The following ZBTB1 variants were observed in gnomAD, a reference collection of about 807,000 sequenced individuals.
ZBTB1 encodes zinc finger and BTB domain-containing protein 1.
Under a neutral mutation model 51.6 loss-of-function variants are expected in ZBTB1, and 13 were observed. That is an observed-to-expected ratio of 0.25 (90% confidence interval 0.16 to 0.40). The LOEUF is 0.40. Ranked by LOEUF, ZBTB1 falls within the 10% of genes least tolerant of loss-of-function variation. ZBTB1 has a pLI of 1.00. For missense variants in ZBTB1, 567 were observed against 856.5 expected, an observed-to-expected ratio of 0.66 and a Z score of 4.22; for synonymous variants, 240 against 282.2, an observed-to-expected ratio of 0.85 and a Z score of 1.50.
chr14:64,513,647 A>G lies in ZBTB1; in HGVS notation c.-18-7840A>G, dbSNP rs76373496. ...CTAAACTCTTGCTGAACTTTATTCA[A>G]TATAGTTTATTTTTATTTTTATTTT... On this transcript the variant is annotated intron_variant, in intron 1 of 1. Transcript: ENST00000683701. Among the ~76,000 whole-genome samples, 44 of 152,202 alleles carry G rather than the reference A, an allele frequency of 2.9e-4. No homozygotes were observed. The East Asian group carries it at 3.3e-3, about 11-fold the overall frequency.
chr14:64,513,603 T>C (rs2140112345), intron 1 of ZBTB1, among the ~76,000 whole-genome samples: 1 of 152,346 alleles, frequency 6.6e-6, no homozygotes, highest in East Asian at 1.9e-4. Context: ...ACTATTTTGG[T>C]ATAATTAACG....
rs2079861753 is a variant in ZBTB1, at chr14:64,521,729, T to G, written c.225T>G (p.Phe75Leu). The G allele has an allele frequency of 1.2e-6, 2 of 1,613,780 alleles. No homozygotes were observed. Residue 75 changes from phenylalanine (F) to leucine (L), a missense_variant, in exon 2 of 2, where the codon TTT (phenylalanine) becomes TTG (leucine). Phe to Leu is a conservative substitution (Grantham distance 22). Coordinates refer to ENST00000683701, the MANE Select transcript of ZBTB1 (RefSeq NM_001123329.2). ...ACATGAAAATTAGTGCAGAATGTTT[T>G]GATCTCATTTTGCAGTTTATGTATT... ...LSNMKISAECFDLILQFMYLG... is the reference protein window; with the variant it reads ...LSNMKISAECLDLILQFMYLG...
chr14:64,522,937 T>C lies in ZBTB1; in HGVS notation c.1433T>C (p.Met478Thr), dbSNP rs369618687. 7 of 1,614,090 alleles carry C rather than the reference T, an allele frequency of 4.3e-6. No homozygotes were observed. The highest frequency in any genetic ancestry group is 5.9e-6 in the Non-Finnish European group (7 of 1,180,004). ...QRCGEPQDLT[M>T]NGLGNTEEKM... ...TGTGGCGAGCCCCAAGATCTGACCATGAATGGGTTAGGAAATACTGAGGAG... is the reference window on the plus strand; with the variant it reads ...TGTGGCGAGCCCCAAGATCTGACCACGAATGGGTTAGGAAATACTGAGGAG... Residue 478 changes from methionine to threonine, a missense_variant, in exon 2 of 2, where the codon ATG becomes ACG. Coordinates refer to ENST00000683701, the MANE Select transcript of ZBTB1 (RefSeq NM_001123329.2).
chr14:64,516,436 C>A (rs1448202552), intron 1 of ZBTB1, among the ~76,000 whole-genome samples: 1 of 152,218 alleles, frequency 6.6e-6, no homozygotes, highest in African/African-American at 2.4e-5. Context: ...CTAGGTCAGC[C>A]TAAAAACTGT....
At chr14:64,511,793 C>T (rs922875520) in intron 1 of ZBTB1, among the ~76,000 whole-genome samples, 1 of 152,164 alleles carries the variant, frequency 6.6e-6, no homozygotes, top group African/African-American at 2.4e-5. Context: ...AGTCTGAGGC[C>T]ATTTTGTGTA....
intron 1 of ZBTB1, among the ~76,000 whole-genome samples, chr14:64,519,782 A>G (rs2079840990): frequency 6.6e-6 from 1 of 151,874 alleles, no homozygotes. Flanking sequence ...TGCCTCAAAA[A>G]AAAAAAAAGG....
chr14:64,514,817 G>A (rs2079764004), intron 1 of ZBTB1, among the ~76,000 whole-genome samples: 2 of 152,146 alleles, frequency 1.3e-5, no homozygotes, highest in Admixed American at 1.3e-4. Flanking sequence ...TAGTACCAAG[G>A]AAGTGCCATA....
rs935173368 is a variant in ZBTB1 at position 64,523,972 on chromosome 14, A to G, written c.*326A>G. On this transcript the variant is annotated 3_prime_UTR_variant, in exon 2 of 2. Coordinates refer to ENST00000683701, the MANE Select transcript of ZBTB1 (RefSeq NM_001123329.2). The surrounding 1 kb of genome is among the most constrained non-coding windows in gnomAD (Gnocchi z 4.5). Reference sequence around the variant, plus strand: ...TCATCAATAAGGTGATGACTTCACTATTTCTATGTGTTTTTTTTTTTTTAA... The same window carrying G: ...TCATCAATAAGGTGATGACTTCACTGTTTCTATGTGTTTTTTTTTTTTTAA... 1.2e-5 allele frequency: 12 copies of G among 1,015,058 alleles called. No homozygotes were observed. Among genetic ancestry groups the G allele is most frequent in the African/African-American group, 1.8e-5 (1 of 56,672 alleles). The allele number at this position is 1,015,058 out of a possible 1,614,324, so 62.9% of individuals were successfully genotyped here.
At chr14:64,504,516 C>A (rs1386987136), upstream of ZBTB1, 1 of 167,110 alleles carries the variant, frequency 6.0e-6, no homozygotes, top group Non-Finnish European at 1.3e-5. Flanking sequence ...GGTGGTCAAG[C>A]CGCCGCCGCC....
intron 1 of ZBTB1, among the ~76,000 whole-genome samples, chr14:64,508,963 TG>T (rs1313263868): frequency 6.6e-6 from 1 of 152,230 alleles, no homozygotes; most frequent in Non-Finnish European, 1.5e-5. Flanking sequence ...GCCTTAAGTG[TG>T]GTAACAGAGC....
intron 1 of ZBTB1, among the ~76,000 whole-genome samples, chr14:64,513,669 T>G (rs1235593275): frequency 6.6e-6 from 1 of 152,172 alleles, no homozygotes; most frequent in Non-Finnish European, 1.5e-5. Flanking sequence ...TTTATTTTTA[T>G]TTTTATGTTT....
intron 1 of ZBTB1, among the ~76,000 whole-genome samples, chr14:64,515,042 A>G (rs2079766515): frequency 6.6e-6 from 1 of 152,220 alleles, no homozygotes; most frequent in African/African-American, 2.4e-5. Flanking sequence ...TAAACTTGAG[A>G]TGAGCCGTTA....
rs966264459 is a variant in ZBTB1 at position 64,524,879 on chromosome 14, G to C, written c.*1233G>C. 2 of 985,080 alleles carry C rather than the reference G, an allele frequency of 2.0e-6. No individual in the cohort carries two copies. Among genetic ancestry groups the C allele is most frequent in the Non-Finnish European group, 2.4e-6 (2 of 829,862 alleles). 61.0% of individuals were successfully genotyped at this position (985,080 alleles called of 1,614,324 possible). On this transcript the variant is annotated 3_prime_UTR_variant, in exon 2 of 2. Transcript: ENST00000683701. ...GTATTGTTAGTTGTTGCTGACACAGGGTCTACATAATTACATGTGAATTAA... is the reference window on the plus strand; with the variant it reads ...GTATTGTTAGTTGTTGCTGACACAGCGTCTACATAATTACATGTGAATTAA...
chr14:64,527,597 C>T (rs532608283), downstream of ZBTB1, among the ~76,000 whole-genome samples: 312 of 151,528 alleles, frequency 2.1e-3, 1 homozygote, highest in African/African-American at 7.1e-3. Flanking sequence ...AGTGACAGAG[C>T]GAGACTCCAT....
At chr14:64,518,904 G>GTATGTATATA (rs2079825465) in intron 1 of ZBTB1, among the ~76,000 whole-genome samples, 1 of 95,128 alleles carries the variant, frequency 1.1e-5, no homozygotes, top group Non-Finnish European at 2.0e-5. Flanking sequence ...TTGCAGAGAG[G>GTATGTATATA]TATATATATA....
intron 1 of ZBTB1, among the ~76,000 whole-genome samples, chr14:64,506,754 C>G (rs1471812999): frequency 6.6e-6 from 1 of 152,126 alleles, no homozygotes; most frequent in African/African-American, 2.4e-5. Flanking sequence ...CTATTCTTCC[C>G]ACTCCTAATA....
chr14:64,519,380 C>A (rs1258869366), intron 1 of ZBTB1, among the ~76,000 whole-genome samples: 1 of 151,030 alleles, frequency 6.6e-6, no homozygotes, highest in Non-Finnish European at 1.5e-5. Flanking sequence ...GAACTCCTGA[C>A]CTCAGCCTCA....
At position 64,523,496 on chromosome 14, in the gene ZBTB1, C is replaced by T. The variant is rs2079879403; in HGVS notation, c.1992C>T (p.Cys664=). ...ATTTATCTGCTGGTGAGACTATATG[C>T]CAGGTCTGCTTTCAGATATTCCCAA... ...ISHLSAGETI[C]QVCFQIFPNN... The change falls in exon 2 of 2, where the codon TGC becomes TGT. Residue 664 remains cysteine, a synonymous_variant. Transcript: ENST00000683701. This position sits in a 1 kb window ranked among gnomAD's most constrained non-coding sequence, Gnocchi z 4.5. 1 of 1,610,918 alleles carries T rather than the reference C, an allele frequency of 6.2e-7. No individual in the cohort carries two copies. Among genetic ancestry groups the T allele is most frequent in the African/African-American group, 1.3e-5 (1 of 74,896 alleles).
Position 64,510,830 on chromosome 14 carries a change from G to A in ZBTB1, c.-19+5884G>A, listed in dbSNP as rs192170018. ...CATGAATCATCTTCAAAACAGCATT[G>A]CTCTGGGAAGAAAAAGATTACCTGA... On this transcript the variant is annotated intron_variant, in intron 1 of 1. Transcript: ENST00000683701. Among the ~76,000 whole-genome samples, 151 of 152,296 alleles carry A rather than the reference G, an allele frequency of 9.9e-4. 2 individuals are homozygous for A. Among genetic ancestry groups the A allele is most frequent in the Non-Finnish European group, 1.8e-4 (12 of 68,030 alleles).
Sources: gnomAD v4.1 joint callset for allele counts (sites outside exome capture counted in the v4.1 genomes callset) on GRCh38, gnomAD v4.1.1 for gene constraint, Gnocchi (gnomAD v3.1) non-coding constraint, MANE v1.5 for transcripts, NCBI Gene and HGNC (gene_info 2026-07-23, HGNC 2026-07-21) for gene names.